The following ERO1A variants were observed in gnomAD, a reference collection of about 807,000 sequenced individuals.
The protein encoded by ERO1A is ERO1-like protein alpha.
ERO1A carries 49 observed loss-of-function variants against 76.9 expected under a neutral mutation model. The ratio of observed to expected loss-of-function variants is 0.64; its 90% CI spans 0.51 to 0.81. The LOEUF (loss-of-function observed/expected upper bound fraction) is 0.81, where lower values mean the gene tolerates loss of function less well. ERO1A is among the 30% of genes least tolerant of loss of function. The pLI is 0.00. For missense variants in ERO1A, 448 were observed against 542.1 expected, an observed-to-expected ratio of 0.83 and a Z score of 1.72; for synonymous variants, 174 against 181.2, an observed-to-expected ratio of 0.96 and a Z score of 0.32.
At chr14:52,664,884 G>A (rs559253835) in intron 7 of ERO1A, among the ~76,000 whole-genome samples, 6 of 151,948 alleles carry the variant, frequency 3.9e-5, no homozygotes, top group Admixed American at 2.6e-4. Flanking sequence ...GTAGAGACGG[G>A]GTTTCACCGC....
chr14:52,666,440 G>A lies in ERO1A; in HGVS notation c.564C>T (p.Tyr188=). ...AAGCATCTGGTCCCTTGTAACCAGT[G>A]TAGCGCTCAGGATTAAGAAGCAAAT... The part of the protein sequence containing the change: ...YVDLLLNPER[Y]TGYKGPDAWK... The change falls in exon 7 of 16, where the codon TAC becomes TAT. Residue 188 remains tyrosine (Y), a synonymous_variant. Transcript: ENST00000395686. The A allele has an allele frequency of 6.2e-7, 1 of 1,610,768 alleles. No homozygotes were observed. The highest frequency in any genetic ancestry group is 8.5e-7 in the Non-Finnish European group (1 of 1,178,214).
rs749648627 is a variant in ERO1A at position 52,682,353 on chromosome 14, C to T, written c.290G>A (p.Arg97Lys). 3 of 1,611,926 alleles carry T rather than the reference C, an allele frequency of 1.9e-6. No individual in the cohort carries two copies. The Admixed American group carries it at 5.0e-5, about 27-fold the overall frequency. Residue 97 changes from arginine (R) to lysine (K), a missense_variant, in exon 3 of 16, where the codon AGG becomes AAG. Arg to Lys is a conservative substitution (Grantham distance 26). Around this residue, in one of 2 missense-constraint regions of ERO1A, gnomAD observed 146 missense variants for 130.2 expected, o/e 1.12. Transcript: ENST00000395686. ...FWNDISQCGR[R>K]DCAVKPCQSD... ...TTGACATGGTTTGACAGCACAGTCC[C>T]TTCTTCCACACTGGCTGATGTCATT...
chr14:52,664,744 TGCA>T (rs1373481590), intron 7 of ERO1A, among the ~76,000 whole-genome samples: 4 of 120,396 alleles, frequency 3.3e-5, no homozygotes, highest in Admixed American at 7.8e-5. Context: ...CAGGCTGGAG[TGCA>T]GTGGTGCAAT....
intron 4 of ERO1A, among the ~76,000 whole-genome samples, chr14:52,673,442 C>CT (rs1172420048): frequency 6.6e-6 from 1 of 152,158 alleles, no homozygotes; most frequent in Non-Finnish European, 1.5e-5. Flanking sequence ...TTTGTTTCTT[C>CT]TTTATGCATT....
At chr14:52,677,355 T>C (rs2040821090) in intron 4 of ERO1A, among the ~76,000 whole-genome samples, 1 of 152,048 alleles carries the variant, frequency 6.6e-6, no homozygotes, top group African/African-American at 2.4e-5. Context: ...ATATATATAA[T>C]ATATATCAAA....
chr14:52,688,413 T>G (rs543823393), intron 1 of ERO1A, among the ~76,000 whole-genome samples: 1 of 152,170 alleles, frequency 6.6e-6, no homozygotes, highest in Non-Finnish European at 1.5e-5. Context: ...TCCCAGCTAT[T>G]TAACCTCTCT....
At chr14:52,691,737 T>C (rs1420206655) in intron 1 of ERO1A, among the ~76,000 whole-genome samples, 1 of 152,220 alleles carries the variant, frequency 6.6e-6, no homozygotes, top group Admixed American at 6.5e-5. Context: ...TTTACTGTGC[T>C]CAAATAAGCT....
intron 7 of ERO1A, 189 bp from the exon 8 acceptor site, chr14:52,664,036 ATCT>A (rs1243110069): frequency 7.3e-6 from 3 of 411,038 alleles, no homozygotes; most frequent in Non-Finnish European, 1.4e-5. Flanking sequence ...ATAGTTCCTG[ATCT>A]TCTCCCATTG....
In ERO1A at chr14:52,682,343, A is replaced by G. The variant is rs778168280; in HGVS notation, c.300T>C (p.Ala100=). The change falls in exon 3 of 16, where the codon GCT becomes GCC. Residue 100 remains alanine (A), a synonymous_variant. Transcript: ENST00000395686. ...DISQCGRRDC[A]VKPCQSDEVP... Reference sequence around the variant, plus strand: ...TTCTTACAGATTGACATGGTTTGACAGCACAGTCCCTTCTTCCACACTGGC... The same window carrying G: ...TTCTTACAGATTGACATGGTTTGACGGCACAGTCCCTTCTTCCACACTGGC... The G allele has an allele frequency of 6.2e-7, 1 of 1,610,188 alleles. No individual in the cohort carries two copies. The highest frequency in any genetic ancestry group is 2.2e-5 in the East Asian group (1 of 44,828).
intron 2 of ERO1A, among the ~76,000 whole-genome samples, chr14:52,683,353 A>G (rs1420401852): frequency 6.6e-6 from 1 of 152,164 alleles, no homozygotes; most frequent in East Asian, 1.9e-4. Flanking sequence ...ACAACTAAAT[A>G]CTCCATTGAT....
rs1268213649 is a variant in ERO1A, at chr14:52,653,050, A to G, written c.1055+19T>C. The G allele has an allele frequency of 1.4e-6, 2 of 1,445,852 alleles. No homozygotes were observed. The highest frequency in any genetic ancestry group is 1.9e-6 in the Non-Finnish European group (2 of 1,045,962). The allele number at this position is 1,445,852 out of a possible 1,614,324, so 89.6% of individuals were successfully genotyped here. A position where few individuals can be genotyped will look rare whatever the true frequency, so the allele number is the denominator to read the frequency against. ...TTGTCACTCTTCTATTAATGTATAA[A>G]GTTTAATATATAATTTACTTGATTT... On this transcript the variant is annotated intron_variant, in intron 12 of 15. Coordinates refer to ENST00000395686, the MANE Select transcript of ERO1A (RefSeq NM_014584.3).
chr14:52,686,320 C>T (rs1244482312), intron 1 of ERO1A, among the ~76,000 whole-genome samples: 1 of 152,216 alleles, frequency 6.6e-6, no homozygotes, highest in African/African-American at 2.4e-5. Context: ...TTAAACATAT[C>T]TAGCACCATG....
intron 12 of ERO1A, 79 bp from the exon 13 acceptor site, chr14:52,652,387 C>A: frequency 2.1e-6 from 2 of 934,072 alleles, no homozygotes; most frequent in South Asian, 3.0e-5. Context: ...TTTTACTGGT[C>A]ATGATAAATA....
chr14:52,652,226 AT>A lies in ERO1A; in HGVS notation c.1125+12del. ...ATCAGTTTGTATCTAACAGTTAAGT[AT>A]AAAGTAATTACCTTTAGTTTGTGTG... is the stretch of plus-strand genomic sequence containing the variant. On this transcript the variant is annotated intron_variant, in intron 13 of 15. Coordinates refer to ENST00000395686, the MANE Select transcript of ERO1A (RefSeq NM_014584.3). The A allele has an allele frequency of 6.7e-7, 1 of 1,484,164 alleles. No individual in the cohort carries two copies. The highest frequency in any genetic ancestry group is 9.4e-7 in the Non-Finnish European group (1 of 1,061,802). The allele number at this position is 1,484,164 out of a possible 1,614,324, so 91.9% of individuals were successfully genotyped here.
At chr14:52,681,718 AT>A (rs111227012) in intron 3 of ERO1A, among the ~76,000 whole-genome samples, 2,870 of 152,300 alleles carry the variant, frequency 0.019, 79 homozygotes, top group African/African-American at 0.064. Flanking sequence ...GATACTTCAA[AT>A]TTTAATGCTC....
intron 4 of ERO1A, among the ~76,000 whole-genome samples, chr14:52,677,674 C>A (rs1374263556): frequency 6.6e-6 from 1 of 151,214 alleles, no homozygotes; most frequent in Non-Finnish European, 1.5e-5. Context: ...CCCTGGGCAA[C>A]ATGGCAAGAC....
At position 52,641,165 on chromosome 14, in the gene ERO1A, T is replaced by G. The variant is rs1213486386; in HGVS notation, c.*2405A>C. The G allele has an allele frequency of 6.6e-6, 1 of 152,108 alleles. No individual in the cohort carries two copies. The highest frequency in any genetic ancestry group is 1.9e-4 in the East Asian group (1 of 5,200). The allele number at this position is 152,108 out of a possible 1,614,324, so 9.4% of individuals were successfully genotyped here. On this transcript the variant is annotated 3_prime_UTR_variant, in exon 16 of 16. Coordinates refer to ENST00000395686, the MANE Select transcript of ERO1A (RefSeq NM_014584.3). ...AAAAGTCAAGTACTAGCTTGTGAAT[T>G]AAACTGTGGATTTAGAATTAAGATT...
In ERO1A at chr14:52,672,162, A is replaced by T. The variant is rs113386983; in HGVS notation, c.358-291T>A. The T allele has an allele frequency of 3.2e-3, 679 of 208,986 alleles. 6 individuals carry two copies. Among genetic ancestry groups the T allele is most frequent in the African/African-American group, 0.015 (643 of 42,336 alleles). The allele number at this position is 208,986 out of a possible 1,614,324, so 12.9% of individuals were successfully genotyped here. ...TCTACTAAAAATACAAAAAATTAGC[A>T]GGGCGTGGTGGCAGGCGCCTGTAGT... On this transcript the variant is annotated intron_variant, in intron 4 of 15. Coordinates refer to ENST00000395686, the MANE Select transcript of ERO1A (RefSeq NM_014584.3).
At chr14:52,656,641 G>C (rs1476319470) in intron 11 of ERO1A, among the ~76,000 whole-genome samples, 1 of 150,262 alleles carries the variant, frequency 6.7e-6, no homozygotes, top group Non-Finnish European at 1.5e-5. Context: ...GAACCCAGGA[G>C]GCAGAGGTCA....
Sources: allele counts gnomAD v4.1 joint callset (sites outside exome capture counted in the v4.1 genomes callset), GRCh38; gene constraint gnomAD v4.1.1; regional missense constraint gnomAD v4.1.1; transcripts MANE v1.5; gene names NCBI Gene and HGNC (gene_info 2026-07-23, HGNC 2026-07-21).